The following FYN variants were observed in gnomAD, a reference collection of about 807,000 sequenced individuals.
FYN encodes FYN proto-oncogene, Src family tyrosine kinase, also known as tyrosine-protein kinase Fyn.
Under a neutral mutation model 70.2 loss-of-function variants are expected in FYN, and 10 were observed. That is an observed-to-expected ratio of 0.14 (90% CI 0.09 to 0.24). The LOEUF is 0.24. Ranked by LOEUF, FYN falls within the 10% of genes least tolerant of loss-of-function variation. FYN has a pLI of 1.00. For synonymous variants in FYN, 236 were observed against 248.6 expected, an observed-to-expected ratio of 0.95 and a Z score of 0.48; for missense variants, 319 against 673.1, an observed-to-expected ratio of 0.47 and a Z score of 5.82.
intron 9 of FYN, among the ~76,000 whole-genome samples, chr6:111,698,125 C>T (rs1429548483): frequency 6.6e-6 from 1 of 151,622 alleles, no homozygotes; most frequent in Non-Finnish European, 1.5e-5. Flanking sequence ...TGTATTAACT[C>T]TTTTTTTTTC....
chr6:111,694,504 C>G lies in FYN; in HGVS notation c.1144G>C (p.Glu382Gln), dbSNP rs755454152. ...TCTCTATGGATATAATTCATGCGCT[C>G]GATGTAAGCCATTCCTGCAGCCACC... is the stretch of plus-strand genomic sequence containing the variant. ...AQVAAGMAYI[E>Q]RMNYIHRDLR... Residue 382 changes from glutamate to glutamine, a missense_variant, in exon 12 of 14, where the codon GAG becomes CAG. Coordinates refer to ENST00000354650, the MANE Select transcript of FYN (RefSeq NM_002037.5). This position sits in a 1 kb window ranked among gnomAD's most constrained non-coding sequence, Gnocchi z 5.0. The G allele has an allele frequency of 6.2e-7, 1 of 1,614,146 alleles. No individual in the cohort carries two copies. Among genetic ancestry groups the G allele is most frequent in the South Asian group, 1.1e-5 (1 of 91,078 alleles).
In FYN at chr6:111,671,047, C is replaced by T. The variant is rs568579576; in HGVS notation, c.1405+3452G>A. Among the ~76,000 whole-genome samples the T allele has an allele frequency of 5.3e-5, 8 of 152,298 alleles. No individual in the cohort carries two copies. In the East Asian group the frequency reaches 1.2e-3, roughly 22 times the overall value. On this transcript the variant is annotated intron_variant, in intron 13 of 13. Transcript: ENST00000354650. The stretch of plus-strand genomic sequence containing the variant: ...GAATGCGTTCAGCTCAGGCTGCTAG[C>T]GGGGAACTGATGGAGCTCTTCTTTG...
intron 3 of FYN, among the ~76,000 whole-genome samples, chr6:111,765,024 G>T (rs957373574): frequency 6.6e-6 from 1 of 151,946 alleles, no homozygotes; most frequent in East Asian, 1.9e-4. Flanking sequence ...ATCATGCGGA[G>T]GCAGCTAGAG....
intron 3 of FYN, among the ~76,000 whole-genome samples, chr6:111,725,748 G>A (rs115229750): frequency 7.3e-4 from 111 of 152,300 alleles, no homozygotes; most frequent in African/African-American, 2.6e-3. Context: ...GAAAATATGT[G>A]CCTTGCTAAA....
chr6:111,773,532 A>AGGGG (rs1803555906), intron 3 of FYN, among the ~76,000 whole-genome samples: 1 of 42,026 alleles, frequency 2.4e-5, no homozygotes, highest in East Asian at 1.7e-3. Context: ...AGAGAGGGGG[A>AGGGG]GAGGGAGAGG....
chr6:111,705,598 C>T (rs146009604), intron 6 of FYN, among the ~76,000 whole-genome samples: 54 of 152,174 alleles, frequency 3.5e-4, no homozygotes, highest in African/African-American at 1.2e-3. Context: ...ATTGTAATTC[C>T]AGCACTTTGG....
chr6:111,827,592 G>C (rs984979021), intron 2 of FYN, among the ~76,000 whole-genome samples: 3 of 152,080 alleles, frequency 2.0e-5, no homozygotes, highest in African/African-American at 7.2e-5. Flanking sequence ...AGTGACACTG[G>C]GGGTATACGA....
intron 12 of FYN, among the ~76,000 whole-genome samples, chr6:111,679,445 G>C (rs569028635): frequency 6.2e-4 from 94 of 152,284 alleles, no homozygotes; most frequent in African/African-American, 2.2e-3. Flanking sequence ...TTGAGTGCTG[G>C]AGCATGTCTT....
chr6:111,784,534 C>T (rs1473987719), intron 2 of FYN, among the ~76,000 whole-genome samples: 3 of 152,190 alleles, frequency 2.0e-5, no homozygotes, highest in Admixed American at 6.5e-5. Flanking sequence ...CCAGTCTAAA[C>T]GATCAACTGG....
chr6:111,704,172 T>C, intron 6 of FYN, 70 bp from the exon 7 acceptor site: 3 of 1,314,786 alleles, frequency 2.3e-6, no homozygotes, highest in East Asian at 2.3e-5. Context: ...CATAGGCTTT[T>C]TTTTTGCCCA....
chr6:111,754,445 A>C (rs983665601), intron 3 of FYN: 1 of 152,236 alleles, frequency 6.6e-6, no homozygotes, highest in Non-Finnish European at 1.5e-5. Context: ...TCATGTCGGC[A>C]AATGAGAAGC....
intron 3 of FYN, among the ~76,000 whole-genome samples, chr6:111,757,580 C>T (rs1204834386): frequency 1.3e-5 from 2 of 152,160 alleles, no homozygotes; most frequent in Non-Finnish European, 2.9e-5. Flanking sequence ...TTCTACACAG[C>T]TTACAATAAA....
chr6:111,676,406 T>C (rs925686582), intron 12 of FYN: 1 of 152,274 alleles, frequency 6.6e-6, no homozygotes, highest in Non-Finnish European at 1.5e-5. Flanking sequence ...TAATTATTTA[T>C]ATCTTTCCTT....
intron 2 of FYN, among the ~76,000 whole-genome samples, chr6:111,827,150 A>G (rs1056569781): frequency 1.3e-5 from 2 of 152,180 alleles, no homozygotes; most frequent in Non-Finnish European, 2.9e-5. Context: ...AAGCTGTAAC[A>G]TTTATTTACA....
chr6:111,763,468 C>T lies in FYN; in HGVS notation c.-12+17098G>A, dbSNP rs1803088313. Among the ~76,000 whole-genome samples, 4 of 152,188 alleles carry T rather than the reference C, an allele frequency of 2.6e-5. No homozygotes were observed. The South Asian group carries it at 6.2e-4, about 24-fold the overall frequency. ...AAGTCTCAAAGCTCTCTCTTTGGAGCGGATATCAACAGGATAGGTATCTGA... is the reference window on the plus strand; with the variant it reads ...AAGTCTCAAAGCTCTCTCTTTGGAGTGGATATCAACAGGATAGGTATCTGA... On this transcript the variant is annotated intron_variant, in intron 3 of 13. Transcript: ENST00000354650.
intron 5 of FYN, among the ~76,000 whole-genome samples, chr6:111,711,464 A>G (rs530052307): frequency 6.6e-6 from 1 of 152,382 alleles, no homozygotes; most frequent in Admixed American, 6.5e-5. Flanking sequence ...GTCCTAATAC[A>G]TGACACTGAG....
At chr6:111,670,496 T>C (rs1798216761) in intron 13 of FYN, among the ~76,000 whole-genome samples, 1 of 152,214 alleles carries the variant, frequency 6.6e-6, no homozygotes, top group Non-Finnish European at 1.5e-5. Context: ...CAAAGAAGAA[T>C]GGAAGTCTAT....
chr6:111,706,148 T>C (rs1800082988), intron 6 of FYN, among the ~76,000 whole-genome samples: 1 of 152,192 alleles, frequency 6.6e-6, no homozygotes, highest in Admixed American at 6.5e-5. Flanking sequence ...TTATTTGCCT[T>C]ATATCCTCCC....
chr6:111,666,468 G>A lies in FYN; in HGVS notation c.1406-4521C>T, dbSNP rs186571536. 9.0e-4 allele frequency among the ~76,000 whole-genome samples: 137 copies of A among 152,224 alleles called. 1 individual carries two copies. Among genetic ancestry groups the A allele is most frequent in the African/African-American group, 3.0e-3 (125 of 41,550 alleles). ...TGCTGTTCTGCCCTTCTAGCCTCAC[G>A]GGAGCCACCAGCCCCTTCTGCTGTC... On this transcript the variant is annotated intron_variant, in intron 13 of 13. Transcript: ENST00000354650.
Sources: allele counts gnomAD v4.1 joint callset (sites outside exome capture counted in the v4.1 genomes callset), GRCh38; gene constraint gnomAD v4.1.1; non-coding constraint Gnocchi (gnomAD v3.1); transcripts MANE v1.5; gene names NCBI Gene and HGNC (gene_info 2026-07-23, HGNC 2026-07-21).